MIER1: variants seen among roughly 807,000 people sequenced by gnomAD.
The protein encoded by MIER1 is MIER1 transcriptional regulator, also known as mesoderm induction early response protein 1.
A neutral mutation model predicts 75.7 loss-of-function variants in MIER1; 40 were observed. That is an observed-to-expected ratio of 0.53 (90% CI 0.41 to 0.69). The LOEUF (loss-of-function observed/expected upper bound fraction) is 0.69. MIER1 is among the 30% of genes least tolerant of loss of function. The probability of loss-of-function intolerance (pLI) is 0.00; values close to 1 mark genes in which losing one functional copy is unlikely to be tolerated. For missense variants in MIER1, 574 were observed against 680.2 expected, an observed-to-expected ratio of 0.84 and a Z score of 1.74; for synonymous variants, 213 against 223.4, an observed-to-expected ratio of 0.95 and a Z score of 0.42.
chr1:66,988,070 TG>T lies in MIER1; in HGVS notation c.*3172del, dbSNP rs1315230999. On this transcript the variant is annotated 3_prime_UTR_variant, in exon 14 of 14. Transcript: ENST00000401041. ...CGATGGATAATTAGGAGTGGGCACTTGGAATAACTGAGGGCTGGTGAATATA... is the reference window on the plus strand; with the variant it reads ...CGATGGATAATTAGGAGTGGGCACTTGAATAACTGAGGGCTGGTGAATATA... The T allele has an allele frequency of 6.6e-6, 1 of 152,258 alleles. No homozygotes were observed. The highest frequency in any genetic ancestry group is 1.5e-5 in the Non-Finnish European group (1 of 68,004). The allele number at this position is 152,258 out of a possible 1,614,324, so 9.4% of individuals were successfully genotyped here. A position where few individuals can be genotyped will look rare whatever the true frequency, so the allele number is the denominator to read the frequency against.
chr1:66,971,891 G>A (rs914252273), intron 10 of MIER1, among the ~76,000 whole-genome samples, 155 bp downstream of exon 10: 2 of 151,838 alleles, frequency 1.3e-5, no homozygotes, highest in South Asian at 2.1e-4. Flanking sequence ...AAATCGTTAC[G>A]GGGAGTGGGA....
intron 2 of MIER1, chr1:66,929,013 T>G (rs937559920): frequency 4.5e-6 from 5 of 1,104,312 alleles, no homozygotes; most frequent in Non-Finnish European, 6.8e-6. Flanking sequence ...AAATGCAGTT[T>G]ATTCATGCAC....
At chr1:66,937,015 A>G (rs978266615) in intron 2 of MIER1, among the ~76,000 whole-genome samples, 5 of 151,450 alleles carry the variant, frequency 3.3e-5, no homozygotes, top group African/African-American at 1.2e-4. Context: ...AAAAAAAAAA[A>G]AAAAAGAGAA....
At chr1:66,936,782 C>T (rs564539199) in intron 2 of MIER1, among the ~76,000 whole-genome samples, 168 of 151,592 alleles carry the variant, frequency 1.1e-3, no homozygotes, top group Non-Finnish European at 2.2e-3. Context: ...GGACGGATCA[C>T]GAGGTCAGGA....
intron 3 of MIER1, 140 bp from the exon 4 acceptor site, chr1:66,946,010 G>C: frequency 1.7e-6 from 1 of 601,262 alleles, no homozygotes; most frequent in Non-Finnish European, 2.7e-6. Context: ...CTATTAAAAA[G>C]CAATACATAA....
chr1:66,940,989 A>G (rs927433871), intron 3 of MIER1, among the ~76,000 whole-genome samples: 5 of 152,238 alleles, frequency 3.3e-5, no homozygotes, highest in African/African-American at 1.2e-4. Context: ...CATGTATTGA[A>G]TACTTAGATA....
chr1:66,957,637 G>A (rs1460764159), intron 4 of MIER1, among the ~76,000 whole-genome samples: 4 of 88,740 alleles, frequency 4.5e-5, no homozygotes, highest in Admixed American at 3.5e-4. Flanking sequence ...CTGAATTTTC[G>A]TCTGCCTTTC....
intron 3 of MIER1, among the ~76,000 whole-genome samples, chr1:66,945,295 ATATATATATATATATATATAT>A (rs1558041981): frequency 4.5e-3 from 114 of 25,404 alleles, no homozygotes; most frequent in African/African-American, 6.6e-3. Flanking sequence ...ATATATATAT[ATATATATATATATATATATAT>A]AAAATACCTA....
At position 66,963,081 on chromosome 1, in the gene MIER1, A is replaced by G. The variant is rs752913169; in HGVS notation, c.700-7A>G. The G allele has an allele frequency of 7.5e-6, 12 of 1,590,078 alleles. No individual in the cohort carries two copies. Among genetic ancestry groups the G allele is most frequent in the Non-Finnish European group, 4.3e-6 (5 of 1,159,438 alleles). On this transcript the variant is annotated splice_region_variant and splice_polypyrimidine_tract_variant and intron_variant, in intron 7 of 13. Coordinates refer to ENST00000401041, the MANE Select transcript of MIER1 (RefSeq NM_001077700.3). ...CTTACTAATGTTTTATGTTATTTTTAAAATAGGAGATTATGGTGGGCTCCA... is the reference window on the plus strand; with the variant it reads ...CTTACTAATGTTTTATGTTATTTTTGAAATAGGAGATTATGGTGGGCTCCA...
intron 4 of MIER1, among the ~76,000 whole-genome samples, chr1:66,957,643 C>G (rs1373174753): frequency 5.0e-5 from 6 of 120,472 alleles, no homozygotes; most frequent in Non-Finnish European, 6.6e-5. Context: ...TTTCGTCTGC[C>G]TTTCTGGGTT....
chr1:66,968,209 GTAA>G (rs1023929145), intron 8 of MIER1, among the ~76,000 whole-genome samples: 5 of 152,118 alleles, frequency 3.3e-5, no homozygotes, highest in African/African-American at 1.2e-4. Context: ...GATCGCTGTG[GTAA>G]AGGGGCATTC....
At position 66,946,204 on chromosome 1, in the gene MIER1, T is replaced by A; in HGVS notation, c.248T>A (p.Val83Asp). 1 of 1,612,100 alleles carries A rather than the reference T, an allele frequency of 6.2e-7. No individual in the cohort carries two copies. The highest frequency in any genetic ancestry group is 8.5e-7 in the Non-Finnish European group (1 of 1,179,502). Residue 83 changes from valine to aspartate, a missense_variant, in exon 4 of 14, where the codon GTT becomes GAT. Around this residue, in one of 3 missense-constraint regions of MIER1, gnomAD observed 309 missense variants for 352.8 expected, o/e 0.88. Coordinates refer to ENST00000401041, the MANE Select transcript of MIER1 (RefSeq NM_001077700.3). ...TTTGATCCATCAGCTGACATGCTGG[T>A]TCATGATTTTGATGATGAACGAACA... ...HEFDPSADML[V>D]HDFDDERTLE...
chr1:66,963,751 T>C (rs1661731857), intron 8 of MIER1, among the ~76,000 whole-genome samples: 1 of 151,834 alleles, frequency 6.6e-6, no homozygotes, highest in African/African-American at 2.4e-5. Flanking sequence ...CTACTAAAAA[T>C]ACAAAAATTA....
In MIER1 at chr1:66,985,121, G is replaced by A; in HGVS notation, c.*221G>A. The stretch of plus-strand genomic sequence containing the variant: ...GGGTATTTTAAAAATTAGTAAATTT[G>A]AATGAACTAAAGATATATCTCTACC... On this transcript the variant is annotated 3_prime_UTR_variant, in exon 14 of 14. Transcript: ENST00000401041. The A allele has an allele frequency of 8.4e-7, 1 of 1,189,362 alleles. No individual in the cohort carries two copies. Among genetic ancestry groups the A allele is most frequent in the Non-Finnish European group, 1.1e-6 (1 of 949,270 alleles). 73.7% of individuals were successfully genotyped at this position (1,189,362 alleles called of 1,614,324 possible).
At chr1:66,955,335 A>AGTT (rs1159474357) in intron 4 of MIER1, among the ~76,000 whole-genome samples, 8 of 28,764 alleles carry the variant, frequency 2.8e-4, no homozygotes, top group African/African-American at 1.0e-3. Flanking sequence ...GCATCACCTG[A>AGTT]GTTTTTTTTT....
chr1:66,969,523 C>A (rs1035434209), intron 8 of MIER1, among the ~76,000 whole-genome samples: 7 of 104,784 alleles, frequency 6.7e-5, no homozygotes, highest in Non-Finnish European at 6.9e-5. Flanking sequence ...CCAGCCTGGG[C>A]AACAGAGCAA....
At chr1:66,966,989 C>T (rs1484413828) in intron 8 of MIER1, among the ~76,000 whole-genome samples, 1 of 152,144 alleles carries the variant, frequency 6.6e-6, no homozygotes, top group African/African-American at 2.4e-5. Context: ...GTTTCCTTTG[C>T]TGTGCAAAAG....
At chr1:66,966,802 G>A (rs184051399) in intron 8 of MIER1, among the ~76,000 whole-genome samples, 39 of 152,008 alleles carry the variant, frequency 2.6e-4, no homozygotes, top group African/African-American at 7.0e-4. Flanking sequence ...TTTGCCATCT[G>A]TATGTATTCT....
At chr1:66,966,883 G>A (rs567973632) in intron 8 of MIER1, among the ~76,000 whole-genome samples, 8 of 152,218 alleles carry the variant, frequency 5.3e-5, no homozygotes, top group Non-Finnish European at 7.4e-5. Flanking sequence ...CAATAGAGTT[G>A]TTTGAGCTCC....
Sources: gnomAD v4.1 joint callset for allele counts (sites outside exome capture counted in the v4.1 genomes callset) on GRCh38, gnomAD v4.1.1 for gene constraint, gnomAD v4.1.1 regional missense constraint, MANE v1.5 for transcripts, NCBI Gene and HGNC (gene_info 2026-07-23, HGNC 2026-07-21) for gene names.